LMF1: variants seen among roughly 807,000 people sequenced by gnomAD.
The protein encoded by LMF1 is lipase maturation factor 1.
A neutral mutation model predicts 60.6 loss-of-function variants in LMF1; 68 were observed. The observed-to-expected ratio is 1.12, with a 90% CI of 0.92 to 1.37. The LOEUF (loss-of-function observed/expected upper bound fraction) is 1.37. Ranked by LOEUF, LMF1 falls within the 40% of genes most tolerant of loss-of-function variation. LMF1 has a pLI of 0.00. For synonymous variants in LMF1, 418 were observed against 324.7 expected, an observed-to-expected ratio of 1.29 and a Z score of -3.09; for missense variants, 948 against 767.2, an observed-to-expected ratio of 1.24 and a Z score of -2.78.
At chr16:930,049 G>GAC (rs34202900) in intron 3 of LMF1, among the ~76,000 whole-genome samples, 1 of 140,376 alleles carries the variant, frequency 7.1e-6, no homozygotes, top group East Asian at 2.1e-4. Flanking sequence ...AGGGCCCTGG[G>GAC]ACAGAGCCCA....
intron 3 of LMF1, among the ~76,000 whole-genome samples, chr16:919,669 T>C (rs143709940): frequency 0.012 from 1,876 of 152,278 alleles, 22 homozygotes; most frequent in South Asian, 0.096. Context: ...GAGGCAGTGA[T>C]GACCTCAGGC....
At chr16:950,265 C>CAG (rs1250203728) in intron 2 of LMF1, among the ~76,000 whole-genome samples, 3 of 107,408 alleles carry the variant, frequency 2.8e-5, no homozygotes, top group African/African-American at 1.0e-4. Flanking sequence ...ACGACAGAGT[C>CAG]AGCCAACGAC....
Position 954,336 on chromosome 16 carries a change from C to T in LMF1, c.503+21G>A, listed in dbSNP as rs546384692. On this transcript the variant is annotated intron_variant, in intron 2 of 10. Transcript: ENST00000262301. ...GTGACAGCAAGCCCTAAGCTCCGAC[C>T]GCCCCATTCCTGCTACTCACCAGAC... The T allele has an allele frequency of 2.4e-5, 39 of 1,606,838 alleles. No homozygotes were observed. In the South Asian group the frequency reaches 2.6e-4, roughly 11 times the overall value.
intron 1 of LMF1, chr16:976,049 G>A (rs1378173326): frequency 8.8e-6 from 4 of 453,966 alleles, no homozygotes; most frequent in Non-Finnish European, 1.8e-5. Context: ...GAGCTTGGAA[G>A]GACGGACACA....
chr16:966,323 T>C (rs1182047355), intron 1 of LMF1, among the ~76,000 whole-genome samples: 1 of 152,190 alleles, frequency 6.6e-6, no homozygotes, highest in African/African-American at 2.4e-5. Context: ...CCAGCACTCA[T>C]GCCCTGTGCA....
intron 4 of LMF1, chr16:900,098 A>C (rs935610734): frequency 1.9e-4 from 29 of 152,128 alleles, no homozygotes; most frequent in Non-Finnish European, 1.2e-4. Flanking sequence ...CCCTTCTTCA[A>C]GGGTTTTGTC....
At chr16:919,465 C>T (rs2071370169) in intron 3 of LMF1, among the ~76,000 whole-genome samples, 1 of 97,634 alleles carries the variant, frequency 1.0e-5, no homozygotes, top group Non-Finnish European at 1.9e-5. Flanking sequence ...CTCATATCTC[C>T]AGCGCTCGCG....
At chr16:909,690 C>A (rs2071058571) in intron 4 of LMF1, among the ~76,000 whole-genome samples, 2 of 152,244 alleles carry the variant, frequency 1.3e-5, no homozygotes. Context: ...CCAGTGCTGT[C>A]TTAGGACTGG....
At chr16:861,696 G>T (rs1244326318) in intron 10 of LMF1, among the ~76,000 whole-genome samples, 1 of 152,066 alleles carries the variant, frequency 6.6e-6, no homozygotes. Context: ...GGATACCTTG[G>T]GATTTCCTAC....
chr16:885,857 T>C (rs911693874), intron 5 of LMF1, among the ~76,000 whole-genome samples: 1 of 152,174 alleles, frequency 6.6e-6, no homozygotes, highest in Non-Finnish European at 1.5e-5. Context: ...TGAAAAACAC[T>C]ATTGGCCAAT....
intron 5 of LMF1, among the ~76,000 whole-genome samples, chr16:885,524 G>A (rs902392160): frequency 1.3e-5 from 2 of 152,194 alleles, no homozygotes; most frequent in Non-Finnish European, 2.9e-5. Context: ...ACACACACAG[G>A]CGGAAAGGTA....
chr16:880,999 G>C (rs2070147082), intron 5 of LMF1, among the ~76,000 whole-genome samples: 1 of 152,196 alleles, frequency 6.6e-6, no homozygotes, highest in Non-Finnish European at 1.5e-5. Context: ...GGACAACAAT[G>C]AACACGCCCT....
chr16:858,366 T>A (rs865980380), intron 10 of LMF1, among the ~76,000 whole-genome samples: 86 of 18,736 alleles, frequency 4.6e-3, no homozygotes, highest in African/African-American at 6.8e-3. Flanking sequence ...CAGTGGTGTC[T>A]CGGGACGGGT....
intron 3 of LMF1, among the ~76,000 whole-genome samples, chr16:917,749 G>C (rs1459169183): frequency 6.6e-6 from 1 of 152,224 alleles, no homozygotes; most frequent in Non-Finnish European, 1.5e-5. Flanking sequence ...CAGGGGACAG[G>C]AGTACTGCTG....
In LMF1 at chr16:870,134, G is replaced by A. The variant is rs111946394; in HGVS notation, c.1233-68C>T. On this transcript the variant is annotated intron_variant, in intron 8 of 10. Transcript: ENST00000262301. The stretch of plus-strand genomic sequence containing the variant: ...GCTGGGCCGAGTGGGGTGCATGGGT[G>A]GGGGGGGTTCCCCGACTGTCCATCC... 38 of 1,485,966 alleles carry A rather than the reference G, an allele frequency of 2.6e-5. No homozygotes were observed. The East Asian group carries it at 2.6e-4, about 10-fold the overall frequency. The allele number at this position is 1,485,966 out of a possible 1,614,324, so 92.0% of individuals were successfully genotyped here.
intron 4 of LMF1, chr16:893,428 C>A (rs2070552971): frequency 2.2e-6 from 1 of 463,506 alleles, no homozygotes; most frequent in Non-Finnish European, 4.3e-6. Context: ...ACCCCACGGA[C>A]AGTGTCAGAG....
intron 3 of LMF1, among the ~76,000 whole-genome samples, chr16:919,153 C>A (rs186938990): frequency 4.9e-4 from 75 of 152,240 alleles, no homozygotes; most frequent in African/African-American, 1.8e-3. Context: ...TTTTCACTCG[C>A]GGCTTTTCCA....
At chr16:953,445 C>G (rs1238443445) in intron 2 of LMF1, among the ~76,000 whole-genome samples, 2 of 52,764 alleles carry the variant, frequency 3.8e-5, no homozygotes, top group East Asian at 6.6e-4. Flanking sequence ...ACACGGACCC[C>G]ACACCAGCCT....
At chr16:934,047 G>A (rs955932553) in intron 3 of LMF1, 197 bp downstream of exon 3, 6 of 1,511,402 alleles carry the variant, frequency 4.0e-6, no homozygotes, top group Non-Finnish European at 5.3e-6. Flanking sequence ...CCCGGGGCCT[G>A]GAAGCCCAGG....
Sources: allele counts gnomAD v4.1 joint callset (sites outside exome capture counted in the v4.1 genomes callset), GRCh38; gene constraint gnomAD v4.1.1; transcripts MANE v1.5; gene names NCBI Gene and HGNC (gene_info 2026-07-23, HGNC 2026-07-21).